COP1: variants seen among roughly 807,000 people sequenced by gnomAD.
COP1 encodes E3 ubiquitin-protein ligase COP1.
Under a neutral mutation model 101.3 loss-of-function variants are expected in COP1, and 24 were observed. The ratio of observed to expected loss-of-function variants is 0.24; its 90% CI spans 0.17 to 0.33. The LOEUF is 0.33. COP1 is among the 10% of genes least tolerant of loss of function. COP1 has a pLI of 1.00. For missense variants in COP1, 663 were observed against 906.2 expected (o/e 0.73, Z 3.45); for synonymous variants, 347 against 341.9 (o/e 1.01, Z -0.17).
At chr1:176,026,214 T>C (rs951383020) in intron 15 of COP1, among the ~76,000 whole-genome samples, 1 of 152,068 alleles carries the variant, frequency 6.6e-6, no homozygotes, top group Non-Finnish European at 1.5e-5. Flanking sequence ...ATATCTGGCA[T>C]TGGTACAAAT....
chr1:175,998,398 A>G (rs1282225538), intron 15 of COP1, among the ~76,000 whole-genome samples: 3 of 150,870 alleles, frequency 2.0e-5, no homozygotes. Context: ...CCAGCATGGC[A>G]CATGTATACA....
intron 18 of COP1, chr1:175,968,460 T>C (rs770814152): frequency 1.9e-6 from 1 of 519,142 alleles, no homozygotes; most frequent in East Asian, 5.4e-5. Context: ...GACCTCCATA[T>C]ATTTATGTAG....
Position 176,162,936 on chromosome 1 carries a change from T to C in COP1, c.695A>G (p.Asn232Ser), listed in dbSNP as rs534768981. 2.1e-5 allele frequency: 34 copies of C among 1,610,012 alleles called. No individual in the cohort carries two copies. The African/African-American group carries it at 4.0e-4, about 19-fold the overall frequency. The change falls in exon 5 of 20, where the codon AAC becomes AGC. Residue 232 changes from asparagine to serine, a missense_variant. This residue lies in a region of COP1 where 212 missense variants were observed against 240.7 expected (regional missense o/e 0.88). Coordinates refer to ENST00000367669, the MANE Select transcript of COP1 (RefSeq NM_022457.7). ...AAGATTGACATTGGCCAAATCAAGG[T>C]TATCTTGGTCAGTTCCCAACCAATC... is the stretch of plus-strand genomic sequence containing the variant. ...FQDWLGTDQD[N>S]LDLANVNLML...
At chr1:175,972,534 G>A (rs538081269) in intron 18 of COP1, among the ~76,000 whole-genome samples, 66 of 146,498 alleles carry the variant, frequency 4.5e-4, no homozygotes, top group Non-Finnish European at 7.9e-4. Context: ...GTGTGATCTC[G>A]GCTCACTGCA....
intron 11 of COP1, among the ~76,000 whole-genome samples, chr1:176,060,567 A>G (rs1459644856): frequency 6.6e-6 from 1 of 152,218 alleles, no homozygotes; most frequent in African/African-American, 2.4e-5. Context: ...TTGAAACTGC[A>G]AAATAAAATA....
At chr1:176,102,203 G>A (rs985729497) in intron 9 of COP1, among the ~76,000 whole-genome samples, 2 of 152,110 alleles carry the variant, frequency 1.3e-5, no homozygotes, top group Non-Finnish European at 2.9e-5. Context: ...GATTCAATCT[G>A]TGAGGCAAGA....
rs199626894 is a variant in COP1, at chr1:176,085,791, T to G, written c.1126A>C (p.Met376Leu). ...DLEQCYFSTR[M>L]SRISDDSRTA... is the part of the protein sequence containing the mutation. ...AAATATATACCTGAGATACGAGACATCCTTGTAGAAAAGTAACACTGCTCC... is the reference window on the plus strand; with the variant it reads ...AAATATATACCTGAGATACGAGACAGCCTTGTAGAAAAGTAACACTGCTCC... The change falls in exon 10 of 20, where the codon ATG (methionine) becomes CTG (leucine). Residue 376 changes from methionine (M) to leucine (L), a missense_variant. Physicochemically the swap from Met to Leu is conservative, Grantham distance 15. Transcript: ENST00000367669. 6.3e-7 allele frequency: 1 copy of G among 1,591,000 alleles called. No homozygotes were observed. Among genetic ancestry groups the G allele is most frequent in the Non-Finnish European group, 8.6e-7 (1 of 1,161,566 alleles).
chr1:176,179,154 T>C (rs1037320465), intron 2 of COP1, among the ~76,000 whole-genome samples: 9 of 151,742 alleles, frequency 5.9e-5, no homozygotes, highest in Admixed American at 4.6e-4. Flanking sequence ...AGCGGGCATA[T>C]TGGTGCACAC....
intron 15 of COP1, among the ~76,000 whole-genome samples, chr1:176,005,691 G>C (rs1662985070): frequency 6.6e-6 from 1 of 152,116 alleles, no homozygotes; most frequent in Non-Finnish European, 1.5e-5. Flanking sequence ...CTGAGTTCTA[G>C]TTTGATTGCA....
intron 15 of COP1, among the ~76,000 whole-genome samples, chr1:176,006,973 C>G (rs1395854918): frequency 1.3e-5 from 2 of 152,022 alleles, no homozygotes; most frequent in African/African-American, 4.8e-5. Context: ...CTCCCCATCA[C>G]TTTCAGGTAT....
chr1:176,027,757 G>T, intron 14 of COP1, 69 bp from the exon 15 acceptor site: 1 of 924,608 alleles, frequency 1.1e-6, no homozygotes. Context: ...TCTGTAACTT[G>T]GGAAAGTTGG....
chr1:175,994,213 C>G (rs963674419), intron 15 of COP1, among the ~76,000 whole-genome samples: 1 of 152,168 alleles, frequency 6.6e-6, no homozygotes, highest in African/African-American at 2.4e-5. Flanking sequence ...CTGTCACCAC[C>G]AGGCCTGCCC....
At chr1:176,141,803 T>G (rs2149780691) in intron 6 of COP1, among the ~76,000 whole-genome samples, 1 of 151,976 alleles carries the variant, frequency 6.6e-6, no homozygotes, top group South Asian at 2.1e-4. Flanking sequence ...CAATCTCAGT[T>G]CACTGCAGCC....
At chr1:176,107,926 T>C (rs1347756463) in intron 9 of COP1, among the ~76,000 whole-genome samples, 1 of 152,152 alleles carries the variant, frequency 6.6e-6, no homozygotes, top group Non-Finnish European at 1.5e-5. Flanking sequence ...ACTTACACTC[T>C]TCAAGAATGT....
At chr1:175,947,315 AT>A in intron 18 of COP1, 76 bp from the exon 19 acceptor site, 1 of 954,082 alleles carries the variant, frequency 1.0e-6, no homozygotes, top group South Asian at 1.3e-5. Flanking sequence ...TTTCCTCTTC[AT>A]CCTTCTTTCT....
intron 11 of COP1, among the ~76,000 whole-genome samples, chr1:176,049,580 C>A (rs529010614): frequency 6.6e-6 from 1 of 152,114 alleles, no homozygotes; most frequent in Admixed American, 6.5e-5. Flanking sequence ...GGTCCCCCCC[C>A]TCAAACCACC....
intron 9 of COP1, among the ~76,000 whole-genome samples, chr1:176,101,631 T>A (rs896985320): frequency 6.6e-6 from 1 of 152,196 alleles, no homozygotes; most frequent in Non-Finnish European, 1.5e-5. Context: ...TAGTCGGGCT[T>A]CTGCCCCCAT....
rs566045354 is a variant in COP1, at chr1:176,148,009, T to C, written c.831+997A>G. On this transcript the variant is annotated intron_variant, in intron 6 of 19. Transcript: ENST00000367669. The stretch of plus-strand genomic sequence containing the variant: ...CCGTAACAGGCAACTTTCATGCACA[T>C]TGCCATTTATATTGCACCACCAGAC... 2.8e-3 allele frequency among the ~76,000 whole-genome samples: 431 copies of C among 152,184 alleles called. 3 individuals carry two copies. The highest frequency in any genetic ancestry group is 4.8e-3 in the Non-Finnish European group (324 of 67,996).
intron 5 of COP1, among the ~76,000 whole-genome samples, chr1:176,154,340 T>C (rs1693114435): frequency 6.6e-6 from 1 of 152,222 alleles, no homozygotes; most frequent in Non-Finnish European, 1.5e-5. Flanking sequence ...TATGCACATG[T>C]ATGTTCACTG....
Sources: gnomAD v4.1 joint callset for allele counts (sites outside exome capture counted in the v4.1 genomes callset) on GRCh38, gnomAD v4.1.1 for gene constraint, gnomAD v4.1.1 regional missense constraint, MANE v1.5 for transcripts, NCBI Gene and HGNC (gene_info 2026-07-23, HGNC 2026-07-21) for gene names.